The following CDC42BPA variants were observed in gnomAD, a reference collection of about 807,000 sequenced individuals.
CDC42BPA encodes the protein serine/threonine-protein kinase MRCK alpha.
In CDC42BPA, 80 loss-of-function variants were observed where a neutral mutation model predicts 223.5. The ratio of observed to expected loss-of-function variants is 0.36; its 90% CI spans 0.30 to 0.43. CDC42BPA has a LOEUF of 0.43. Among genes scored for constraint, CDC42BPA ranks in the 20% least tolerant of loss-of-function variants. The pLI, the probability that CDC42BPA is intolerant of heterozygous loss-of-function variation, is 1.00. For missense variants in CDC42BPA, 1,743 were observed against 2,099.9 expected (o/e 0.83, Z 3.32); for synonymous variants, 694 against 718.6 (o/e 0.97, Z 0.55).
chr1:227,311,498 G>A (rs1693535600), intron 1 of CDC42BPA, among the ~76,000 whole-genome samples: 1 of 152,136 alleles, frequency 6.6e-6, no homozygotes, highest in Non-Finnish European at 1.5e-5. Context: ...CTGAAGTGAT[G>A]AGAAGCTAAA....
intron 24 of CDC42BPA, among the ~76,000 whole-genome samples, chr1:227,039,411 G>A (rs1383466344): frequency 1.3e-5 from 2 of 152,126 alleles, no homozygotes; most frequent in African/African-American, 2.4e-5. Flanking sequence ...GTGTTGTAAT[G>A]ACAAATTTCA....
rs1365401403 is a variant in CDC42BPA at position 227,024,279 on chromosome 1, A to T, written c.4531-932T>A. Among the ~76,000 whole-genome samples, 7 of 152,340 alleles carry T rather than the reference A, an allele frequency of 4.6e-5. No homozygotes were observed. In the East Asian group the frequency reaches 1.3e-3, roughly 29 times the overall value. On this transcript the variant is annotated intron_variant, in intron 31 of 36. Transcript: ENST00000366766. The stretch of plus-strand genomic sequence containing the variant: ...CAAACTGAAACTTCAATGAAATACT[A>T]CTTTGTAACCATTTACAAAACCTAT...
At chr1:227,222,443 G>A (rs961185854) in intron 2 of CDC42BPA, among the ~76,000 whole-genome samples, 1 of 151,760 alleles carries the variant, frequency 6.6e-6, no homozygotes, top group Non-Finnish European at 1.5e-5. Flanking sequence ...AGGTTGCAGT[G>A]AGCCAAGACC....
chr1:227,303,473 C>T (rs1410592837), intron 1 of CDC42BPA, among the ~76,000 whole-genome samples: 1 of 152,172 alleles, frequency 6.6e-6, no homozygotes, highest in Admixed American at 6.5e-5. Flanking sequence ...CTAAGAACAT[C>T]CAACATTTGT....
At chr1:227,121,793 CT>C (rs1049096100) in intron 11 of CDC42BPA, among the ~76,000 whole-genome samples, 1 of 142,116 alleles carries the variant, frequency 7.0e-6, no homozygotes, top group African/African-American at 2.6e-5. Flanking sequence ...CCAACAATTT[CT>C]TTTTTTTCTT....
intron 10 of CDC42BPA, among the ~76,000 whole-genome samples, chr1:227,129,714 T>TATATATACACAC (rs140091366): frequency 1.9e-5 from 2 of 105,806 alleles, no homozygotes; most frequent in African/African-American, 7.5e-5. Flanking sequence ...TATATATATA[T>TATATATACACAC]ACAAAAGAAT....
chr1:227,205,162 G>T (rs934886224), intron 3 of CDC42BPA, among the ~76,000 whole-genome samples: 1 of 151,356 alleles, frequency 6.6e-6, no homozygotes, highest in South Asian at 2.1e-4. Context: ...CCAGCTACTT[G>T]GGAGGGTGAG....
intron 2 of CDC42BPA, among the ~76,000 whole-genome samples, chr1:227,218,248 G>A (rs1435201595): frequency 6.6e-6 from 1 of 152,028 alleles, no homozygotes; most frequent in African/African-American, 2.4e-5. Context: ...ACATCTATCA[G>A]CTTATTCCAG....
At chr1:227,143,460 A>G (rs1660078796) in intron 8 of CDC42BPA, among the ~76,000 whole-genome samples, 1 of 152,198 alleles carries the variant, frequency 6.6e-6, no homozygotes, top group Non-Finnish European at 1.5e-5. Flanking sequence ...TTAAGCTCTC[A>G]TATTATAAAC....
rs115334512 is a variant in CDC42BPA at position 227,314,578 on chromosome 1, G to T, written c.178+2427C>A. On this transcript the variant is annotated intron_variant, in intron 1 of 36. Transcript: ENST00000366766. ...AACTAGGAATAAAATGAAATTGATA[G>T]AAATGAAGCTGAATACAGCCGGTAA... 3.8e-3 allele frequency among the ~76,000 whole-genome samples: 580 copies of T among 152,098 alleles called. 3 individuals are homozygous for T. The highest frequency in any genetic ancestry group is 0.013 in the African/African-American group (558 of 41,522).
At chr1:227,147,626 GAT>G in intron 6 of CDC42BPA, 67 bp from the exon 7 acceptor site, 1 of 834,272 alleles carries the variant, frequency 1.2e-6, no homozygotes, top group Non-Finnish European at 1.8e-6. Context: ...AGTTACTTAA[GAT>G]ACACAATAGA....
intron 1 of CDC42BPA, among the ~76,000 whole-genome samples, chr1:227,273,921 C>T (rs1320379333): frequency 1.6e-5 from 2 of 125,658 alleles, no homozygotes; most frequent in East Asian, 4.9e-4. Context: ...TGAGAGATGA[C>T]AGGTTTGGGA....
rs143110768 is a variant in CDC42BPA, at chr1:227,142,684, G to C, written c.1223+261C>G. 4.4e-3 allele frequency among the ~76,000 whole-genome samples: 668 copies of C among 151,726 alleles called. 3 individuals carry two copies. Among genetic ancestry groups the C allele is most frequent in the African/African-American group, 0.015 (621 of 41,352 alleles). On this transcript the variant is annotated intron_variant, in intron 9 of 36. Coordinates refer to ENST00000366766, the MANE Select transcript of CDC42BPA (RefSeq NM_001394014.1). ...ACCCAGGCTGCACTGCAATGGCGCA[G>C]TCTCGGCTCACTGCAACCTCCACCT...
chr1:227,241,062 C>G (rs1188774787), intron 2 of CDC42BPA, among the ~76,000 whole-genome samples: 1 of 151,780 alleles, frequency 6.6e-6, no homozygotes, highest in African/African-American at 2.4e-5. Context: ...GAACATATAC[C>G]TCACAAAGGA....
chr1:227,307,545 T>C (rs1192080279), intron 1 of CDC42BPA, among the ~76,000 whole-genome samples: 1 of 152,208 alleles, frequency 6.6e-6, no homozygotes, highest in Non-Finnish European at 1.5e-5. Flanking sequence ...AGCAAACTTT[T>C]TGAAACTTTT....
intron 2 of CDC42BPA, chr1:227,219,318 C>T (rs1460950711): frequency 6.6e-6 from 1 of 152,190 alleles, no homozygotes. Flanking sequence ...CTCTGAAGCC[C>T]AGAAGCCTTG....
intron 5 of CDC42BPA, among the ~76,000 whole-genome samples, chr1:227,165,034 T>G (rs1312096080): frequency 3.2e-5 from 4 of 126,482 alleles, no homozygotes; most frequent in Non-Finnish European, 6.9e-5. Flanking sequence ...AAGCATTAAT[T>G]AAACATTTAC....
chr1:227,185,813 G>A (rs999217605), intron 5 of CDC42BPA, among the ~76,000 whole-genome samples: 14 of 150,326 alleles, frequency 9.3e-5, no homozygotes, highest in South Asian at 2.2e-4. Context: ...CATCAGAGCC[G>A]TATCACAATG....
At chr1:227,081,131 A>C in intron 16 of CDC42BPA, 114 bp from the exon 17 acceptor site, 1 of 973,802 alleles carries the variant, frequency 1.0e-6, no homozygotes, top group Admixed American at 2.2e-5. Flanking sequence ...TGCCTGTCTT[A>C]TTATAATAAT....
Sources: gnomAD v4.1 joint callset for allele counts (sites outside exome capture counted in the v4.1 genomes callset) on GRCh38, gnomAD v4.1.1 for gene constraint, MANE v1.5 for transcripts, NCBI Gene and HGNC (gene_info 2026-07-23, HGNC 2026-07-21) for gene names.